Variants in EPB41L4B observed in about 807,000 individuals in gnomAD.
The protein encoded by EPB41L4B is band 4.1-like protein 4B.
Under a neutral mutation model 112.5 loss-of-function variants are expected in EPB41L4B, and 30 were observed. The observed-to-expected ratio is 0.27, with a 90% CI of 0.20 to 0.36. The LOEUF is 0.36. EPB41L4B is among the 10% of genes least tolerant of loss of function. EPB41L4B has a pLI of 1.00. For missense variants in EPB41L4B, 1,024 were observed against 1,133.3 expected, an observed-to-expected ratio of 0.90 and a Z score of 1.38; for synonymous variants, 408 against 439.7, an observed-to-expected ratio of 0.93 and a Z score of 0.90.
intron 6 of EPB41L4B, among the ~76,000 whole-genome samples, chr9:109,260,519 A>G (rs1350481274): frequency 2.7e-5 from 4 of 150,222 alleles, no homozygotes; most frequent in African/African-American, 7.4e-5. Flanking sequence ...GGTTCAAGCA[A>G]TTCTCCTGCT....
chr9:109,256,487 A>G lies in EPB41L4B; in HGVS notation c.753-7T>C, dbSNP rs1834988919. 1 of 1,613,334 alleles carries G rather than the reference A, an allele frequency of 6.2e-7. No individual in the cohort carries two copies. The highest frequency in any genetic ancestry group is 8.5e-7 in the Non-Finnish European group (1 of 1,179,540). ...CTGGGCAGGGCTCTTTCCCCTTAGAAAAACCAATGGAAATACATGTAAACT... is the reference window on the plus strand; with the variant it reads ...CTGGGCAGGGCTCTTTCCCCTTAGAGAAACCAATGGAAATACATGTAAACT... On this transcript the variant is annotated splice_region_variant and splice_polypyrimidine_tract_variant and intron_variant, in intron 7 of 25. Transcript: ENST00000374566.
intron 22 of EPB41L4B, among the ~76,000 whole-genome samples, chr9:109,187,628 A>C (rs1451356022): frequency 6.6e-6 from 1 of 152,240 alleles, no homozygotes; most frequent in Middle Eastern, 3.4e-3. Flanking sequence ...TCCATACTCC[A>C]ACCAGAAACA....
At chr9:109,281,152 G>T (rs1279070050) in intron 1 of EPB41L4B, among the ~76,000 whole-genome samples, 4 of 150,218 alleles carry the variant, frequency 2.7e-5, no homozygotes, top group Non-Finnish European at 4.4e-5. Context: ...TGCTTCAAAG[G>T]ACATGGAGAC....
At chr9:109,287,806 T>C (rs1265538355) in intron 1 of EPB41L4B, among the ~76,000 whole-genome samples, 1 of 152,106 alleles carries the variant, frequency 6.6e-6, no homozygotes, top group African/African-American at 2.4e-5. Flanking sequence ...CCCACTATGT[T>C]GCCTAGGCTG....
chr9:109,206,525 G>A lies in EPB41L4B; in HGVS notation c.1878+1399C>T, dbSNP rs142117759. On this transcript the variant is annotated intron_variant, in intron 18 of 25. Coordinates refer to ENST00000374566, the MANE Select transcript of EPB41L4B (RefSeq NM_019114.5). ...TATTTTTCTAATGAAATCACGGACT[G>A]CAGCTTTTTATAATATTTCCAGGAC... is the stretch of plus-strand genomic sequence containing the variant. Among the ~76,000 whole-genome samples the A allele has an allele frequency of 2.3e-3, 344 of 152,290 alleles. 3 individuals carry two copies. Among genetic ancestry groups the A allele is most frequent in the African/African-American group, 7.9e-3 (330 of 41,568 alleles).
rs760195394 is a variant in EPB41L4B, at chr9:109,213,780, C to G, written c.1672G>C (p.Ala558Pro). 1 of 1,614,088 alleles carries G rather than the reference C, an allele frequency of 6.2e-7. No individual in the cohort carries two copies. Among genetic ancestry groups the G allele is most frequent in the South Asian group, 1.1e-5 (1 of 91,080 alleles). Residue 558 changes from alanine to proline, a missense_variant, in exon 17 of 26, where the codon GCT (alanine) becomes CCT (proline). Physicochemically the swap from Ala to Pro is conservative, Grantham distance 27. Coordinates refer to ENST00000374566, the MANE Select transcript of EPB41L4B (RefSeq NM_019114.5). Reference sequence around the variant, plus strand: ...AGTTCCAGCTTCTTTAGATGGGCAGCGGCTTCACTGAACAAGGCAGGTGTT... The same window carrying G: ...AGTTCCAGCTTCTTTAGATGGGCAGGGGCTTCACTGAACAAGGCAGGTGTT... ...PGTPALFSEA[A>P]AHLKKLELET...
chr9:109,182,902 C>G, intron 23 of EPB41L4B, 105 bp from the exon 24 acceptor site: 1 of 785,426 alleles, frequency 1.3e-6, no homozygotes, highest in Non-Finnish European at 2.2e-6. Flanking sequence ...TTCAGGGGTG[C>G]CCCCGCAGAG....
intron 15 of EPB41L4B, among the ~76,000 whole-genome samples, chr9:109,242,524 C>A (rs1325999832): frequency 6.6e-6 from 1 of 152,180 alleles, no homozygotes; most frequent in African/African-American, 2.4e-5. Flanking sequence ...AATAAAGCAC[C>A]TTTGAAATAC....
chr9:109,214,596 T>A (rs1025160251), intron 16 of EPB41L4B, among the ~76,000 whole-genome samples: 1 of 152,176 alleles, frequency 6.6e-6, no homozygotes, highest in Non-Finnish European at 1.5e-5. Context: ...TGCTAAGGGA[T>A]GTGTAGGAGT....
intron 17 of EPB41L4B, among the ~76,000 whole-genome samples, chr9:109,211,338 T>G (rs963770963): frequency 6.6e-6 from 1 of 152,118 alleles, no homozygotes; most frequent in Non-Finnish European, 1.5e-5. Flanking sequence ...CTCATGCCTG[T>G]AATCCCAGCC....
At chr9:109,231,394 C>A (rs1372812647) in intron 15 of EPB41L4B, among the ~76,000 whole-genome samples, 1 of 152,154 alleles carries the variant, frequency 6.6e-6, no homozygotes, top group Non-Finnish European at 1.5e-5. Flanking sequence ...CTTCAACATA[C>A]CAGCACTGCA....
intron 1 of EPB41L4B, among the ~76,000 whole-genome samples, chr9:109,299,947 G>A (rs1836895173): frequency 6.6e-6 from 1 of 152,190 alleles, no homozygotes; most frequent in Non-Finnish European, 1.5e-5. Context: ...ACACACCACT[G>A]CCATAACACA....
At chr9:109,195,227 T>C (rs1832599120) in intron 20 of EPB41L4B, among the ~76,000 whole-genome samples, 1 of 152,186 alleles carries the variant, frequency 6.6e-6, no homozygotes, top group South Asian at 2.1e-4. Context: ...TGATTTAGAA[T>C]GATGGCTGAG....
chr9:109,285,675 C>T (rs1391171624), intron 1 of EPB41L4B, among the ~76,000 whole-genome samples: 1 of 152,100 alleles, frequency 6.6e-6, no homozygotes, highest in Non-Finnish European at 1.5e-5. Flanking sequence ...AAGGTCACTG[C>T]CCTTGAAACC....
intron 1 of EPB41L4B, among the ~76,000 whole-genome samples, chr9:109,286,021 C>A (rs1836261439): frequency 6.6e-6 from 1 of 152,148 alleles, no homozygotes; most frequent in Admixed American, 6.5e-5. Flanking sequence ...GCACTCCCTC[C>A]CTGAGGACAG....
Position 109,247,683 on chromosome 9 carries a change from CA to C in EPB41L4B, c.1344+72del, listed in dbSNP as rs1447019602. On this transcript the variant is annotated intron_variant, in intron 14 of 25. Coordinates refer to ENST00000374566, the MANE Select transcript of EPB41L4B (RefSeq NM_019114.5). Reference sequence around the variant, plus strand: ...CATTATGGAAAATTTAGAAACTTTACAAAAACCTTTTTTTAAATTTTATTTT... The same window carrying C: ...CATTATGGAAAATTTAGAAACTTTACAAAACCTTTTTTTAAATTTTATTTT... 7.1e-6 allele frequency: 8 copies of C among 1,126,436 alleles called. No homozygotes were observed. The African/African-American group carries it at 1.3e-4, about 18-fold the overall frequency. The allele number at this position is 1,126,436 out of a possible 1,614,324, so 69.8% of individuals were successfully genotyped here.
chr9:109,302,002 C>T (rs1836986986), intron 1 of EPB41L4B, among the ~76,000 whole-genome samples: 1 of 152,226 alleles, frequency 6.6e-6, no homozygotes, highest in Non-Finnish European at 1.5e-5. Context: ...TTACAGATGC[C>T]AGTTCCTGCA....
chr9:109,308,558 T>C (rs551596071), intron 1 of EPB41L4B, among the ~76,000 whole-genome samples: 360 of 152,276 alleles, frequency 2.4e-3, no homozygotes, highest in Admixed American at 4.6e-3. Context: ...AATTTGAACA[T>C]TGGCCGAATA....
rs148069932 is a variant in EPB41L4B at position 109,282,400 on chromosome 9, G to A, written c.307-2479C>T. Among the ~76,000 whole-genome samples, 452 of 152,334 alleles carry A rather than the reference G, an allele frequency of 3.0e-3. 3 individuals are homozygous for A. The highest frequency in any genetic ancestry group is 0.01 in the African/African-American group (431 of 41,568). The stretch of plus-strand genomic sequence containing the variant: ...TTTGGATAGGCAAACTGTATGACAC[G>A]TGAATCTAAAGAAAGCTTTTAAAAA... On this transcript the variant is annotated intron_variant, in intron 1 of 25. Transcript: ENST00000374566.
Sources: gnomAD v4.1 joint callset for allele counts (sites outside exome capture counted in the v4.1 genomes callset) on GRCh38, gnomAD v4.1.1 for gene constraint, MANE v1.5 for transcripts, NCBI Gene and HGNC (gene_info 2026-07-23, HGNC 2026-07-21) for gene names.